RAP1A: variants seen among roughly 807,000 people sequenced by gnomAD.
RAP1A encodes the protein RAP1A, member of RAS oncogene family.
RAP1A carries 6 observed loss-of-function variants against 26.4 expected under a neutral mutation model. That is an observed-to-expected ratio of 0.23 (90% CI 0.12 to 0.45). The LOEUF (loss-of-function observed/expected upper bound fraction) is 0.45, where lower values mean the gene tolerates loss of function less well. Ranked by LOEUF, RAP1A falls within the 20% of genes least tolerant of loss-of-function variation. The pLI, the probability that RAP1A is intolerant of heterozygous loss-of-function variation, is 0.99. For synonymous variants in RAP1A, 73 were observed against 79.4 expected (o/e 0.92, Z 0.43); for missense variants, 121 against 217.2 (o/e 0.56, Z 2.78).
intron 1 of RAP1A, among the ~76,000 whole-genome samples, chr1:111,588,456 G>A (rs752056725): frequency 7.9e-5 from 12 of 151,920 alleles, no homozygotes; most frequent in Admixed American, 2.0e-4. Flanking sequence ...TTGTTCTTCC[G>A]GTAGCTTTCA....
intron 1 of RAP1A, among the ~76,000 whole-genome samples, chr1:111,607,968 G>T (rs1185248204): frequency 1.1e-5 from 1 of 92,422 alleles, no homozygotes; most frequent in African/African-American, 5.1e-5. Flanking sequence ...TCACCTCCCG[G>T]ACGGGGCAGC....
chr1:111,659,954 T>C (rs991006086), intron 1 of RAP1A, among the ~76,000 whole-genome samples: 1 of 152,224 alleles, frequency 6.6e-6, no homozygotes, highest in Non-Finnish European at 1.5e-5. Flanking sequence ...TAAGCTATAG[T>C]CACCTAATAC....
intron 1 of RAP1A, among the ~76,000 whole-genome samples, chr1:111,625,887 C>T (rs1401164655): frequency 6.6e-6 from 1 of 152,090 alleles, no homozygotes; most frequent in Non-Finnish European, 1.5e-5. Context: ...AGCTATCCTC[C>T]CACTTCAGCC....
chr1:111,656,393 A>C (rs942892094), intron 1 of RAP1A, among the ~76,000 whole-genome samples: 26 of 152,328 alleles, frequency 1.7e-4, no homozygotes, highest in African/African-American at 6.3e-4. Flanking sequence ...AAAATAAATA[A>C]GGCAAAACCC....
At chr1:111,694,835 T>C (rs2101257102) in intron 2 of RAP1A, among the ~76,000 whole-genome samples, 1 of 152,276 alleles carries the variant, frequency 6.6e-6, no homozygotes, top group East Asian at 1.9e-4. Context: ...ATTTACAAGA[T>C]GCTGCTTGAG....
At chr1:111,554,486 A>G (rs1281590279) in intron 1 of RAP1A, among the ~76,000 whole-genome samples, 4 of 152,246 alleles carry the variant, frequency 2.6e-5, no homozygotes, top group South Asian at 2.1e-4. Flanking sequence ...AATCCAGAGC[A>G]TTTGTTTCAG....
chr1:111,596,062 C>A (rs1170934884), intron 1 of RAP1A, among the ~76,000 whole-genome samples: 1 of 152,184 alleles, frequency 6.6e-6, no homozygotes, highest in East Asian at 1.9e-4. Flanking sequence ...AGTTTGTGAT[C>A]TTTGCTCTAC....
At chr1:111,622,381 A>T (rs748449360) in intron 1 of RAP1A, among the ~76,000 whole-genome samples, 1 of 151,550 alleles carries the variant, frequency 6.6e-6, no homozygotes, top group Non-Finnish European at 1.5e-5. Flanking sequence ...TACTCCAGCC[A>T]CACTGGCCTC....
intron 1 of RAP1A, among the ~76,000 whole-genome samples, chr1:111,688,609 C>T (rs1748889): frequency 0.13 from 19,981 of 151,390 alleles, 1,533 homozygotes; most frequent in East Asian, 0.21. Context: ...CGTGAGCCAC[C>T]GTGCCTGGCC....
intron 1 of RAP1A, among the ~76,000 whole-genome samples, chr1:111,580,831 A>G (rs1453137638): frequency 2.0e-5 from 3 of 150,670 alleles, no homozygotes; most frequent in Non-Finnish European, 4.4e-5. Context: ...TGGGCGGCAG[A>G]GCAAGACTGT....
chr1:111,685,540 T>G (rs1436960661), intron 1 of RAP1A, among the ~76,000 whole-genome samples: 1 of 152,014 alleles, frequency 6.6e-6, no homozygotes, highest in African/African-American at 2.4e-5. Flanking sequence ...TCATCACTGG[T>G]CGTTAGAGAA....
At chr1:111,664,578 C>G (rs999935618) in intron 1 of RAP1A, among the ~76,000 whole-genome samples, 3 of 152,016 alleles carry the variant, frequency 2.0e-5, no homozygotes, top group African/African-American at 4.8e-5. Flanking sequence ...ACCTACACCC[C>G]CTTCCTCTCC....
chr1:111,703,442 G>T lies in RAP1A; in HGVS notation c.290G>T (p.Arg97Met). The change falls in exon 5 of 8, where the codon AGG becomes ATG. Residue 97 changes from arginine (R) to methionine (M), a missense_variant. Transcript: ENST00000369709. ...ACGTTTAACGACTTACAGGACCTGA[G>T]GGAACAGATTTTACGGGTTAAGGAC... ...QSTFNDLQDLREQILRVKDTE... is the reference protein window; with the variant it reads ...QSTFNDLQDLMEQILRVKDTE... 2 of 1,606,238 alleles carry T rather than the reference G, an allele frequency of 1.2e-6. No homozygotes were observed. The highest frequency in any genetic ancestry group is 1.7e-5 in the Admixed American group (1 of 58,618).
chr1:111,595,168 C>T (rs944074250), intron 1 of RAP1A, among the ~76,000 whole-genome samples: 1 of 152,206 alleles, frequency 6.6e-6, no homozygotes, highest in Non-Finnish European at 1.5e-5. Context: ...GCTTTTTAAA[C>T]TGTAAGTCTT....
chr1:111,688,808 GTTTTTTTTTTTTTGTT>G (rs1417753174), intron 1 of RAP1A, among the ~76,000 whole-genome samples: 2 of 124,204 alleles, frequency 1.6e-5, no homozygotes, highest in African/African-American at 5.6e-5. Flanking sequence ...TTTTGTTTTT[GTTTTTTTTTTTTTGTT>G]TTTTTTTTTG....
chr1:111,591,200 T>C (rs1174180969), intron 1 of RAP1A, among the ~76,000 whole-genome samples: 1 of 152,202 alleles, frequency 6.6e-6, no homozygotes, highest in Non-Finnish European at 1.5e-5. Flanking sequence ...TCATCTCCTA[T>C]TGTTTAAAAA....
chr1:111,593,652 CTTTTTT>C (rs994763442), intron 1 of RAP1A, among the ~76,000 whole-genome samples: 16 of 65,408 alleles, frequency 2.4e-4, no homozygotes, highest in Middle Eastern at 0.029. Flanking sequence ...ATGACTCCTA[CTTTTTT>C]TTTTTTTTTT....
intron 1 of RAP1A, among the ~76,000 whole-genome samples, chr1:111,629,241 CTT>C: frequency 6.6e-6 from 1 of 152,164 alleles, no homozygotes; most frequent in African/African-American, 2.4e-5. Flanking sequence ...AAAAACATTA[CTT>C]TTAGTGTTCC....
chr1:111,586,350 T>C (rs1486436958), intron 1 of RAP1A, among the ~76,000 whole-genome samples: 2 of 152,100 alleles, frequency 1.3e-5, no homozygotes, highest in Non-Finnish European at 2.9e-5. Context: ...CTAACTGACA[T>C]CCCTACTGAC....
Sources: gnomAD v4.1 joint callset for allele counts (sites outside exome capture counted in the v4.1 genomes callset) on GRCh38, gnomAD v4.1.1 for gene constraint, MANE v1.5 for transcripts, NCBI Gene and HGNC (gene_info 2026-07-23, HGNC 2026-07-21) for gene names.